Variants in ULK4 observed in about 807,000 individuals in gnomAD.
ULK4 encodes the protein unc-51 like kinase 4.
A neutral mutation model predicts 160.6 loss-of-function variants in ULK4; 133 were observed. The observed-to-expected ratio is 0.83, with a 90% CI of 0.72 to 0.96. The LOEUF (loss-of-function observed/expected upper bound fraction) is 0.96, where lower values mean the gene tolerates loss of function less well. Among genes scored for constraint, ULK4 ranks in the 40% least tolerant of loss-of-function variants. ULK4 has a pLI of 0.00. For missense variants in ULK4, 1,580 were observed against 1,499.5 expected, an observed-to-expected ratio of 1.05 and a Z score of -0.89; for synonymous variants, 534 against 539.8, an observed-to-expected ratio of 0.99 and a Z score of 0.15.
At chr3:41,442,752 C>A (rs1238632428) in intron 34 of ULK4, among the ~76,000 whole-genome samples, 2 of 151,952 alleles carry the variant, frequency 1.3e-5, no homozygotes, top group Non-Finnish European at 2.9e-5. Flanking sequence ...AGCCACTGCA[C>A]CTGGTCCTTA....
chr3:41,873,132 A>C (rs1697165250), intron 17 of ULK4, among the ~76,000 whole-genome samples: 1 of 152,150 alleles, frequency 6.6e-6, no homozygotes, highest in Non-Finnish European at 1.5e-5. Flanking sequence ...AGCCTGGCCG[A>C]CAGGGCGAGA....
At chr3:41,498,467 A>G (rs1271414415) in intron 32 of ULK4, among the ~76,000 whole-genome samples, 1 of 152,238 alleles carries the variant, frequency 6.6e-6, no homozygotes, top group Non-Finnish European at 1.5e-5. Context: ...TCCGGGGAAA[A>G]AGAACCAATT....
At chr3:41,659,040 T>C (rs897498426) in intron 30 of ULK4, among the ~76,000 whole-genome samples, 1 of 152,210 alleles carries the variant, frequency 6.6e-6, no homozygotes, top group Non-Finnish European at 1.5e-5. Context: ...TCAAAACTCA[T>C]AGAACTGTAT....
chr3:41,865,414 T>C (rs1265960291), intron 17 of ULK4, among the ~76,000 whole-genome samples: 1 of 149,920 alleles, frequency 6.7e-6, no homozygotes, highest in African/African-American at 2.4e-5. Flanking sequence ...AATAACCCTA[T>C]CTTACCAGAT....
intron 21 of ULK4, among the ~76,000 whole-genome samples, chr3:41,783,994 C>A (rs992774162): frequency 1.3e-5 from 2 of 152,142 alleles, no homozygotes; most frequent in African/African-American, 2.4e-5. Flanking sequence ...ACCTAACCTA[C>A]AAGATTTTTT....
At chr3:41,705,423 TTAAA>T (rs2036842489) in intron 25 of ULK4, 118 bp from the exon 26 acceptor site, 5 of 616,216 alleles carry the variant, frequency 8.1e-6, no homozygotes, top group South Asian at 6.8e-5. Flanking sequence ...ATAGACAGTA[TTAAA>T]TACTCTATAC....
chr3:41,257,547 C>T (rs973477599), intron 35 of ULK4, among the ~76,000 whole-genome samples: 3 of 151,442 alleles, frequency 2.0e-5, no homozygotes, highest in Non-Finnish European at 4.4e-5. Flanking sequence ...ATGGAAGTAT[C>T]GCTTGAGCCT....
intron 21 of ULK4, among the ~76,000 whole-genome samples, chr3:41,759,834 A>T (rs1344017737): frequency 1.3e-5 from 2 of 152,208 alleles, no homozygotes; most frequent in African/African-American, 4.8e-5. Flanking sequence ...ATAAAGGTGC[A>T]AAGGCAACAT....
chr3:41,931,468 C>G (rs1324106344), intron 5 of ULK4, among the ~76,000 whole-genome samples: 1 of 11,956 alleles, frequency 8.4e-5, no homozygotes, highest in Non-Finnish European at 3.5e-4. Context: ...TACCCTAGAA[C>G]TTAAAAAAAA....
At chr3:41,711,818 T>C (rs2037104533) in intron 25 of ULK4, among the ~76,000 whole-genome samples, 1 of 152,208 alleles carries the variant, frequency 6.6e-6, no homozygotes, top group Non-Finnish European at 1.5e-5. Context: ...CTTGAAAATA[T>C]TTCCTTAATT....
At chr3:41,661,177 T>C (rs1275534337) in intron 30 of ULK4, among the ~76,000 whole-genome samples, 1 of 152,186 alleles carries the variant, frequency 6.6e-6, no homozygotes, top group African/African-American at 2.4e-5. Context: ...AGATTCACTG[T>C]TATCAGTAGT....
At chr3:41,575,470 A>G (rs552138378) in intron 31 of ULK4, among the ~76,000 whole-genome samples, 4 of 152,264 alleles carry the variant, frequency 2.6e-5, no homozygotes, top group African/African-American at 9.6e-5. Flanking sequence ...CCAAAAATGT[A>G]TGGTGCTCTC....
intron 14 of ULK4, among the ~76,000 whole-genome samples, chr3:41,897,832 C>G (rs1247406356): frequency 6.6e-6 from 1 of 152,008 alleles, no homozygotes; most frequent in Non-Finnish European, 1.5e-5. Context: ...CTACTCTAGC[C>G]ACGATGAATA....
At chr3:41,620,718 C>T (rs1249088942) in intron 30 of ULK4, among the ~76,000 whole-genome samples, 1 of 152,084 alleles carries the variant, frequency 6.6e-6, no homozygotes, top group African/African-American at 2.4e-5. Flanking sequence ...GACAAGGATG[C>T]CCTCTCTCAC....
At chr3:41,813,446 T>G (rs1483038879) in intron 19 of ULK4, among the ~76,000 whole-genome samples, 1 of 152,214 alleles carries the variant, frequency 6.6e-6, no homozygotes. Flanking sequence ...GAAATTTAAT[T>G]TTTACTTTTT....
intron 32 of ULK4, among the ~76,000 whole-genome samples, chr3:41,507,639 A>C (rs1029762595): frequency 3.6e-5 from 4 of 111,794 alleles, no homozygotes; most frequent in East Asian, 4.5e-4. Context: ...AAAAAAAAAA[A>C]CTGAAATTTT....
chr3:41,375,204 C>T lies in ULK4; in HGVS notation c.3678+22875G>A, dbSNP rs531399530. The stretch of plus-strand genomic sequence containing the variant: ...AATCAGTATTGTGAGAACAGCCATA[C>T]TGCCCAAAGTAATTTACAGATTCAA... On this transcript the variant is annotated intron_variant, in intron 35 of 36. Coordinates refer to ENST00000301831, the MANE Select transcript of ULK4 (RefSeq NM_017886.4). 7.9e-5 allele frequency among the ~76,000 whole-genome samples: 12 copies of T among 152,264 alleles called. 1 individual carries two copies. In the South Asian group the frequency reaches 2.3e-3, roughly 29 times the overall value.
At chr3:41,671,561 C>T (rs1457887168) in intron 29 of ULK4, among the ~76,000 whole-genome samples, 4 of 152,022 alleles carry the variant, frequency 2.6e-5, no homozygotes, top group Non-Finnish European at 5.9e-5. Context: ...GAAACTGGAC[C>T]TGTCTCTCAT....
intron 35 of ULK4, among the ~76,000 whole-genome samples, chr3:41,326,977 G>C (rs2080350459): frequency 6.6e-6 from 1 of 152,150 alleles, no homozygotes; most frequent in African/African-American, 2.4e-5. Flanking sequence ...TGGTCAACTG[G>C]TTTAGGAATA....
Sources: gnomAD v4.1 joint callset for allele counts (sites outside exome capture counted in the v4.1 genomes callset) on GRCh38, gnomAD v4.1.1 for gene constraint, MANE v1.5 for transcripts, NCBI Gene and HGNC (gene_info 2026-07-23, HGNC 2026-07-21) for gene names.